The following PSTPIP1 variants were observed in gnomAD, a reference collection of about 807,000 sequenced individuals.
The protein encoded by PSTPIP1 is proline-serine-threonine phosphatase interacting protein 1, also known as proline-serine-threonine phosphatase-interacting protein 1.
PSTPIP1 carries 66 observed loss-of-function variants against 69.6 expected under a neutral mutation model. That is an observed-to-expected ratio of 0.95 (90% confidence interval 0.78 to 1.16). The LOEUF (loss-of-function observed/expected upper bound fraction) is 1.16. PSTPIP1 is among the 50% of genes most tolerant of loss of function. The pLI is 0.00. For missense variants in PSTPIP1, 603 were observed against 557.4 expected, an observed-to-expected ratio of 1.08 and a Z score of -0.82; for synonymous variants, 266 against 222.7, an observed-to-expected ratio of 1.19 and a Z score of -1.73.
chr15:77,001,344 C>T (rs775685983), intron 1 of PSTPIP1, among the ~76,000 whole-genome samples: 2 of 152,214 alleles, frequency 1.3e-5, no homozygotes, highest in Non-Finnish European at 2.9e-5. Flanking sequence ...CCATAGTCCT[C>T]TGGTTGGGCA....
intron 12 of PSTPIP1, among the ~76,000 whole-genome samples, chr15:77,033,198 G>A (rs993192071): frequency 6.6e-6 from 1 of 152,174 alleles, no homozygotes; most frequent in African/African-American, 2.4e-5. Context: ...GAGGTGCTCC[G>A]AGCTCTGGGG....
chr15:77,030,167 C>T (rs558365336), intron 8 of PSTPIP1, among the ~76,000 whole-genome samples: 7 of 152,352 alleles, frequency 4.6e-5, no homozygotes, highest in African/African-American at 1.4e-4. Flanking sequence ...ACCCCTCCTC[C>T]AGCGCCCTCT....
Position 77,031,296 on chromosome 15 carries a change from T to C in PSTPIP1, c.741+18T>C. The C allele has an allele frequency of 4.3e-6, 7 of 1,609,656 alleles. No homozygotes were observed. The highest frequency in any genetic ancestry group is 5.1e-6 in the Non-Finnish European group (6 of 1,177,382). On this transcript the variant is annotated intron_variant, in intron 10 of 14. Coordinates refer to ENST00000558012, the MANE Select transcript of PSTPIP1 (RefSeq NM_003978.5). ...ATGATGAGGTGGGGGCTGAGGGCCT[T>C]GGTGTGGGGTAAGGTAGGGCAGCCT... is the stretch of plus-strand genomic sequence containing the variant.
rs377192593 is a variant in PSTPIP1, at chr15:77,021,024, T to C, written c.212+2493T>C. On this transcript the variant is annotated intron_variant, in intron 3 of 14. Coordinates refer to ENST00000558012, the MANE Select transcript of PSTPIP1 (RefSeq NM_003978.5). ...GCCCCCCAGGTCTATGGGATGCTCA[T>C]TCCCTGCCCCTTGCAGAACGGGCAG... Among the ~76,000 whole-genome samples the C allele has an allele frequency of 2.4e-3, 372 of 152,252 alleles. 2 individuals are homozygous for C. Among genetic ancestry groups the C allele is most frequent in the South Asian group, 0.013 (61 of 4,828 alleles).
intron 7 of PSTPIP1, 141 bp from the exon 8 acceptor site, chr15:77,029,387 GA>G: frequency 1.1e-6 from 1 of 912,232 alleles, no homozygotes; most frequent in East Asian, 2.7e-5. Flanking sequence ...GTTGCTTGTG[GA>G]TGATGGCATC....
chr15:77,028,248 G>T (rs557975957), intron 6 of PSTPIP1: 1 of 503,330 alleles, frequency 2.0e-6, no homozygotes, highest in Non-Finnish European at 3.6e-6. Flanking sequence ...GCTCCTAAGA[G>T]GGCGCGGCGT....
chr15:77,009,478 C>T (rs1398317620), intron 1 of PSTPIP1, among the ~76,000 whole-genome samples: 16 of 152,200 alleles, frequency 1.1e-4, no homozygotes, highest in Admixed American at 1.0e-3. Flanking sequence ...CCCCAATTTA[C>T]AGATGAAAAA....
intron 12 of PSTPIP1, 76 bp downstream of exon 12, chr15:77,033,028 C>T (rs1403879871): frequency 3.5e-6 from 5 of 1,409,202 alleles, no homozygotes; most frequent in Non-Finnish European, 4.9e-6. Context: ...TGCACCTGGC[C>T]CTTCCTCGTT....
chr15:77,036,007 G>A, intron 14 of PSTPIP1, 72 bp downstream of exon 14: 1 of 1,483,990 alleles, frequency 6.7e-7, no homozygotes, highest in Non-Finnish European at 9.0e-7. Flanking sequence ...CCCATCCAGT[G>A]CCTTGCGTCC....
intron 13 of PSTPIP1, 29 bp downstream of exon 13, chr15:77,035,592 A>G (rs1452099102): frequency 6.4e-7 from 1 of 1,558,336 alleles, no homozygotes; most frequent in African/African-American, 1.4e-5. Context: ...GGACCCCCAA[A>G]CACACTGATC....
At chr15:77,026,964 T>C (rs2076293734) in intron 5 of PSTPIP1, among the ~76,000 whole-genome samples, 1 of 152,234 alleles carries the variant, frequency 6.6e-6, no homozygotes, top group South Asian at 2.1e-4. Flanking sequence ...TGTGTTGTAG[T>C]GTGTGCCATG....
intron 1 of PSTPIP1, 92 bp downstream of exon 1, chr15:76,995,701 G>A (rs970790249): frequency 1.5e-5 from 24 of 1,598,264 alleles, no homozygotes; most frequent in Non-Finnish European, 2.0e-5. Context: ...GCTCCGAGAG[G>A]GGAGCTTTCT....
chr15:77,003,122 AC>A (rs1447715345), intron 1 of PSTPIP1, among the ~76,000 whole-genome samples: 1 of 152,048 alleles, frequency 6.6e-6, no homozygotes, highest in Non-Finnish European at 1.5e-5. Context: ...GCCTCTCTGC[AC>A]CCTCTCTGGT....
intron 1 of PSTPIP1, among the ~76,000 whole-genome samples, chr15:77,000,504 T>C (rs56036788): frequency 0.14 from 19,807 of 139,242 alleles, 1,555 homozygotes; most frequent in South Asian, 0.23. Flanking sequence ...CACACACACA[T>C]ACACACACAC....
intron 1 of PSTPIP1, among the ~76,000 whole-genome samples, chr15:77,016,250 CG>C (rs1024652672): frequency 6.6e-5 from 10 of 152,132 alleles, no homozygotes; most frequent in South Asian, 6.2e-4. Context: ...GTTCTCAGGG[CG>C]GGGGGGTCTG....
At position 77,028,548 on chromosome 15, in the gene PSTPIP1, C is replaced by A. The variant is rs200018722; in HGVS notation, c.418-6C>A. ...GCCCCCAAGTCACGCCCCTCCACAC[C>A]CCCAGTCCAAGAAGACATACGAGCA... is the stretch of plus-strand genomic sequence containing the variant. On this transcript the variant is annotated splice_region_variant and splice_polypyrimidine_tract_variant and intron_variant, in intron 6 of 14. Transcript: ENST00000558012. 3.4e-4 allele frequency: 549 copies of A among 1,596,186 alleles called. 4 individuals carry two copies. Among genetic ancestry groups the A allele is most frequent in the South Asian group, 1.7e-3 (149 of 88,316 alleles).
At position 76,995,608 on chromosome 15, in the gene PSTPIP1, G is replaced by C; in HGVS notation, c.35G>C (p.Trp12Ser). The C allele has an allele frequency of 6.2e-7, 1 of 1,613,624 alleles. No individual in the cohort carries two copies. Among genetic ancestry groups the C allele is most frequent in the Non-Finnish European group, 8.5e-7 (1 of 1,179,908 alleles). The change falls in exon 1 of 15, where the codon TGG becomes TCG. Residue 12 changes from tryptophan (W) to serine (S), a missense_variant and splice_region_variant. Coordinates refer to ENST00000558012, the MANE Select transcript of PSTPIP1 (RefSeq NM_003978.5). Reference protein sequence around the residue: ...MPQLQFKDAFWCRDFTAHTGY... With the variant: ...MPQLQFKDAFSCRDFTAHTGY... ...CAGCTGCAGTTCAAAGATGCCTTTTGGGTGAGTGAGGATGGTTGGGGGCAC... is the reference window on the plus strand; with the variant it reads ...CAGCTGCAGTTCAAAGATGCCTTTTCGGTGAGTGAGGATGGTTGGGGGCAC...
rs1019922578 is a variant in PSTPIP1 at position 77,026,129 on chromosome 15, C to T, written c.354+525C>T. On this transcript the variant is annotated intron_variant, in intron 5 of 14. Transcript: ENST00000558012. The stretch of plus-strand genomic sequence containing the variant: ...ACCCATATGTAGGGCATGGCTGTCC[C>T]GAGACAGAGTGACTGCATGGAAGTG... The T allele has an allele frequency of 4.8e-5, 22 of 455,976 alleles. 1 individual carries two copies. Among genetic ancestry groups the T allele is most frequent in the Non-Finnish European group, 7.9e-5 (18 of 226,812 alleles). The allele number at this position is 455,976 out of a possible 1,614,324, so 28.2% of individuals were successfully genotyped here.
At chr15:77,012,147 ATCC>A (rs2075950363) in intron 1 of PSTPIP1, among the ~76,000 whole-genome samples, 7 of 124,568 alleles carry the variant, frequency 5.6e-5, no homozygotes, top group Non-Finnish European at 8.6e-5. Flanking sequence ...CCATCCATCC[ATCC>A]ATCCATCCAC....
Sources: gnomAD v4.1 joint callset for allele counts (sites outside exome capture counted in the v4.1 genomes callset) on GRCh38, gnomAD v4.1.1 for gene constraint, MANE v1.5 for transcripts, NCBI Gene and HGNC (gene_info 2026-07-23, HGNC 2026-07-21) for gene names.